RABGAP1L: variants seen among roughly 807,000 people sequenced by gnomAD.
RABGAP1L encodes the protein rab GTPase-activating protein 1-like.
Under a neutral mutation model 137.7 loss-of-function variants are expected in RABGAP1L, and 63 were observed. The observed-to-expected ratio is 0.46, with a 90% CI of 0.37 to 0.56. RABGAP1L has a LOEUF of 0.56. RABGAP1L is among the 20% of genes least tolerant of loss of function. The probability of loss-of-function intolerance (pLI) is 0.00; values close to 1 mark genes in which losing one functional copy is unlikely to be tolerated. For synonymous variants in RABGAP1L, 431 were observed against 433.7 expected (o/e 0.99, Z 0.08); for missense variants, 1,095 against 1,244.0 (o/e 0.88, Z 1.80).
intron 17 of RABGAP1L, among the ~76,000 whole-genome samples, chr1:174,737,796 CT>C (rs1161897624): frequency 6.6e-6 from 1 of 152,164 alleles, no homozygotes; most frequent in Non-Finnish European, 1.5e-5. Context: ...CCTCAGGAAG[CT>C]TACAATCATG....
At chr1:174,328,300 C>T (rs1680727701) in intron 11 of RABGAP1L, among the ~76,000 whole-genome samples, 1 of 151,788 alleles carries the variant, frequency 6.6e-6, no homozygotes, top group Admixed American at 6.6e-5. Context: ...TCTTAGGCTA[C>T]AAAATAAGGC....
chr1:174,980,830 A>C (rs1334813306), intron 23 of RABGAP1L, among the ~76,000 whole-genome samples: 1 of 152,178 alleles, frequency 6.6e-6, no homozygotes, highest in African/African-American at 2.4e-5. Context: ...CCAGAGTCCA[A>C]CTGTAAGAAG....
At chr1:174,327,994 T>TATATATATATATACATAC (rs1558136308) in intron 11 of RABGAP1L, among the ~76,000 whole-genome samples, 1 of 77,418 alleles carries the variant, frequency 1.3e-5, no homozygotes, top group African/African-American at 6.5e-5. Flanking sequence ...CACATATATA[T>TATATATATATATACATAC]ATATATATAT....
chr1:174,561,590 G>A (rs1308206783), intron 13 of RABGAP1L, among the ~76,000 whole-genome samples: 1 of 152,152 alleles, frequency 6.6e-6, no homozygotes, highest in Non-Finnish European at 1.5e-5. Context: ...GAGGCATCAT[G>A]CTACCTTACT....
chr1:174,651,391 G>T (rs950572004), intron 14 of RABGAP1L, among the ~76,000 whole-genome samples: 9 of 152,158 alleles, frequency 5.9e-5, no homozygotes, highest in Non-Finnish European at 1.0e-4. Context: ...AGGTATCCTT[G>T]TTAACTTTCT....
At chr1:174,182,176 A>T (rs1255945352) in intron 1 of RABGAP1L, among the ~76,000 whole-genome samples, 1 of 152,194 alleles carries the variant, frequency 6.6e-6, no homozygotes, top group Non-Finnish European at 1.5e-5. Context: ...GCTTCATATT[A>T]AATAATTTGG....
intron 13 of RABGAP1L, among the ~76,000 whole-genome samples, chr1:174,606,964 C>G (rs1032778573): frequency 6.6e-6 from 1 of 152,110 alleles, no homozygotes; most frequent in Non-Finnish European, 1.5e-5. Flanking sequence ...AAGAATAAAA[C>G]CCAAGTATTT....
At chr1:174,501,030 A>G (rs911049880) in intron 13 of RABGAP1L, among the ~76,000 whole-genome samples, 12 of 152,148 alleles carry the variant, frequency 7.9e-5, no homozygotes, top group African/African-American at 2.7e-4. Context: ...TAAGAGAATA[A>G]CCTTAGTGAT....
intron 10 of RABGAP1L, among the ~76,000 whole-genome samples, chr1:174,294,001 A>G (rs923595602): frequency 6.6e-6 from 1 of 152,100 alleles, no homozygotes; most frequent in Admixed American, 6.5e-5. Flanking sequence ...TAGACATCCT[A>G]GGTTTGTATC....
chr1:174,698,172 GT>G (rs1421872821), intron 15 of RABGAP1L, among the ~76,000 whole-genome samples: 12 of 152,192 alleles, frequency 7.9e-5, no homozygotes, highest in Non-Finnish European at 1.5e-4. Context: ...TAAAGTAGAT[GT>G]TTGTATAATA....
intron 13 of RABGAP1L, among the ~76,000 whole-genome samples, chr1:174,536,721 T>G (rs1019575613): frequency 6.6e-6 from 1 of 152,188 alleles, no homozygotes; most frequent in African/African-American, 2.4e-5. Context: ...ATAAAAATTT[T>G]TCTTAGTCAT....
At chr1:174,501,364 C>T in intron 13 of RABGAP1L, among the ~76,000 whole-genome samples, 1 of 151,952 alleles carries the variant, frequency 6.6e-6, no homozygotes, top group East Asian at 1.9e-4. Flanking sequence ...CAGGCGACCT[C>T]CTTAAGCAGA....
intron 13 of RABGAP1L, among the ~76,000 whole-genome samples, chr1:174,479,649 GT>G (rs1475671343): frequency 6.6e-6 from 1 of 152,206 alleles, no homozygotes; most frequent in Admixed American, 6.5e-5. Context: ...TGGGGAAGCA[GT>G]AGTATAAATT....
chr1:174,345,000 A>G lies in RABGAP1L; in HGVS notation c.1466-25979A>G, dbSNP rs74899215. Among the ~76,000 whole-genome samples, 877 of 152,288 alleles carry G rather than the reference A, an allele frequency of 5.8e-3. 7 individuals are homozygous for G. Among genetic ancestry groups the G allele is most frequent in the African/African-American group, 0.02 (837 of 41,572 alleles). ...GAGGTGCCTAGTTTCATCCCTCTGC[A>G]TATGGATATTCAATTTTCCCAGCAC... On this transcript the variant is annotated intron_variant, in intron 11 of 25. Coordinates refer to ENST00000681986, the MANE Select transcript of RABGAP1L (RefSeq NM_001366446.1).
chr1:174,189,144 T>G (rs1667024080), intron 1 of RABGAP1L, among the ~76,000 whole-genome samples: 1 of 152,178 alleles, frequency 6.6e-6, no homozygotes, highest in Non-Finnish European at 1.5e-5. Context: ...TAGCTGGGAC[T>G]ACAGGCGCCT....
At chr1:174,401,705 C>G (rs780198317) in intron 13 of RABGAP1L, among the ~76,000 whole-genome samples, 2 of 152,172 alleles carry the variant, frequency 1.3e-5, no homozygotes, top group Non-Finnish European at 1.5e-5. Flanking sequence ...GTAAAGAAGA[C>G]TAATACCTAT....
intron 13 of RABGAP1L, among the ~76,000 whole-genome samples, chr1:174,465,371 T>C (rs962979617): frequency 1.1e-4 from 17 of 151,722 alleles, no homozygotes; most frequent in Admixed American, 9.9e-4. Flanking sequence ...GGCTAATTTT[T>C]GTACTTTTAG....
intron 23 of RABGAP1L, among the ~76,000 whole-genome samples, chr1:174,980,098 T>C (rs943644417): frequency 1.3e-5 from 2 of 152,202 alleles, no homozygotes; most frequent in Non-Finnish European, 2.9e-5. Flanking sequence ...TTGTAATATA[T>C]TGAATATGCA....
intron 14 of RABGAP1L, among the ~76,000 whole-genome samples, chr1:174,642,778 T>C (rs1674648757): frequency 9.5e-6 from 1 of 105,752 alleles, no homozygotes; most frequent in African/African-American, 3.7e-5. Flanking sequence ...CCTCTCCCCC[T>C]CTCCTCTCCT....
Sources: allele counts gnomAD v4.1 joint callset (sites outside exome capture counted in the v4.1 genomes callset), GRCh38; gene constraint gnomAD v4.1.1; transcripts MANE v1.5; gene names NCBI Gene and HGNC (gene_info 2026-07-23, HGNC 2026-07-21).